Variants in PTPRG observed in about 807,000 individuals in gnomAD.
The protein encoded by PTPRG is receptor-type tyrosine-protein phosphatase gamma.
PTPRG carries 102 observed loss-of-function variants against 165.3 expected under a neutral mutation model. That is an observed-to-expected ratio of 0.62 (90% CI 0.53 to 0.73). The LOEUF (loss-of-function observed/expected upper bound fraction) is 0.73, where lower values mean the gene tolerates loss of function less well. Among genes scored for constraint, PTPRG ranks in the 30% least tolerant of loss-of-function variants. The probability of loss-of-function intolerance (pLI) is 0.00; values close to 1 mark genes in which losing one functional copy is unlikely to be tolerated. For synonymous variants in PTPRG, 675 were observed against 669.5 expected (o/e 1.01, Z -0.13); for missense variants, 1,866 against 1,861.4 (o/e 1.00, Z -0.05).
At chr3:61,752,794 A>AAAATAAAAT (rs1553660785) in intron 2 of PTPRG, among the ~76,000 whole-genome samples, 5 of 105,966 alleles carry the variant, frequency 4.7e-5, no homozygotes, top group Non-Finnish European at 8.1e-5. Context: ...TCAAAAAAAA[A>AAAATAAAAT]AAAAAAAGAA....
intron 12 of PTPRG, among the ~76,000 whole-genome samples, chr3:62,205,370 C>T (rs1420653370): frequency 6.6e-6 from 1 of 152,114 alleles, no homozygotes; most frequent in Admixed American, 6.5e-5. Flanking sequence ...ACGGAATGCC[C>T]ACTGTATAAG....
At chr3:61,697,276 T>G (rs1293350758) in intron 1 of PTPRG, among the ~76,000 whole-genome samples, 1 of 152,068 alleles carries the variant, frequency 6.6e-6, no homozygotes, top group Non-Finnish European at 1.5e-5. Flanking sequence ...TACTCCGAAG[T>G]CTCATACTTC....
intron 1 of PTPRG, chr3:61,742,625 C>T (rs891093281): frequency 1.1e-5 from 18 of 1,604,092 alleles, no homozygotes; most frequent in Non-Finnish European, 1.4e-5. Context: ...AGACATAACA[C>T]CTTCTTCATT....
intron 2 of PTPRG, among the ~76,000 whole-genome samples, chr3:61,971,693 C>T (rs544299219): frequency 2.8e-4 from 43 of 152,302 alleles, no homozygotes; most frequent in Non-Finnish European, 5.0e-4. Flanking sequence ...CTCTTCGGAT[C>T]ATTTGGTGTG....
At chr3:61,941,274 CATT>C (rs1479143366) in intron 2 of PTPRG, among the ~76,000 whole-genome samples, 1 of 152,238 alleles carries the variant, frequency 6.6e-6, no homozygotes, top group Non-Finnish European at 1.5e-5. Flanking sequence ...CTATGACTCT[CATT>C]ATTATGATTC....
chr3:61,716,402 A>G (rs1054923105), intron 1 of PTPRG, among the ~76,000 whole-genome samples: 5 of 152,220 alleles, frequency 3.3e-5, no homozygotes, highest in Non-Finnish European at 7.3e-5. Flanking sequence ...ACAAAACACA[A>G]GATCATCTAC....
chr3:61,675,654 A>G (rs1703194294), intron 1 of PTPRG, among the ~76,000 whole-genome samples: 1 of 152,174 alleles, frequency 6.6e-6, no homozygotes, highest in South Asian at 2.1e-4. Flanking sequence ...ATCATAATTG[A>G]TATGGTATTT....
intron 10 of PTPRG, 21 bp from the exon 11 acceptor site, chr3:62,201,484 T>A (rs753288596): frequency 6.3e-7 from 1 of 1,586,300 alleles, no homozygotes; most frequent in African/African-American, 1.3e-5. Context: ...ATTGCTTAAA[T>A]GTAATTTCTT....
intron 2 of PTPRG, among the ~76,000 whole-genome samples, chr3:61,964,807 C>G (rs1359549034): frequency 6.6e-6 from 1 of 151,916 alleles, no homozygotes; most frequent in Non-Finnish European, 1.5e-5. Flanking sequence ...CTGGGTAGTT[C>G]CAACCCACTC....
At chr3:62,133,529 T>C (rs1421311224) in intron 6 of PTPRG, among the ~76,000 whole-genome samples, 1 of 152,176 alleles carries the variant, frequency 6.6e-6, no homozygotes, top group East Asian at 1.9e-4. Flanking sequence ...TCTCTTTCCG[T>C]GAAACTAAAA....
intron 2 of PTPRG, among the ~76,000 whole-genome samples, chr3:61,837,495 C>T (rs780800277): frequency 3.3e-5 from 5 of 152,212 alleles, no homozygotes; most frequent in Admixed American, 6.5e-5. Context: ...GTTCGGCATG[C>T]AGGGGGTACT....
intron 2 of PTPRG, among the ~76,000 whole-genome samples, chr3:61,912,587 C>G (rs539724038): frequency 6.6e-5 from 10 of 152,284 alleles, no homozygotes; most frequent in Non-Finnish European, 1.0e-4. Context: ...GACCGACAGT[C>G]TTTTCTAAAA....
rs530205791 is a variant in PTPRG at position 61,960,256 on chromosome 3, C to A, written c.191-29369C>A. ...GGTGCTTGGTATCCAGTAGGAGCCC[C>A]GTAAATGTCTCTTTAATGTGCAACT... On this transcript the variant is annotated intron_variant, in intron 2 of 29. Transcript: ENST00000474889. Among the ~76,000 whole-genome samples the A allele has an allele frequency of 2.6e-5, 4 of 151,850 alleles. No individual in the cohort carries two copies. The East Asian group carries it at 5.8e-4, about 22-fold the overall frequency.
At chr3:62,068,580 A>ATCC (rs1701098168) in intron 4 of PTPRG, among the ~76,000 whole-genome samples, 1 of 152,014 alleles carries the variant, frequency 6.6e-6, no homozygotes, top group South Asian at 2.1e-4. Flanking sequence ...GGCTCAAGTG[A>ATCC]TCCTCCTGCC....
At chr3:61,881,866 T>C (rs1559666660) in intron 2 of PTPRG, among the ~76,000 whole-genome samples, 1 of 152,138 alleles carries the variant, frequency 6.6e-6, no homozygotes, top group Non-Finnish European at 1.5e-5. Flanking sequence ...TATTCCTCCA[T>C]AATAGTGTTT....
At chr3:61,907,783 G>T (rs181569157) in intron 2 of PTPRG, among the ~76,000 whole-genome samples, 221 of 152,154 alleles carry the variant, frequency 1.5e-3, no homozygotes, top group Non-Finnish European at 2.4e-3. Flanking sequence ...GATTTCCTTT[G>T]TAACTGCTGA....
chr3:62,186,082 G>A (rs1705870165), intron 8 of PTPRG, among the ~76,000 whole-genome samples: 1 of 152,212 alleles, frequency 6.6e-6, no homozygotes. Flanking sequence ...GTGTCTGCCT[G>A]CTCGCTTGCC....
chr3:62,243,770 A>T, intron 14 of PTPRG, 37 bp from the exon 15 acceptor site: 7 of 1,089,590 alleles, frequency 6.4e-6, no homozygotes, highest in Non-Finnish European at 9.7e-6. Context: ...AATAAAGTAT[A>T]TTCTATTATT....
At chr3:62,182,539 C>T (rs1425195214) in intron 8 of PTPRG, among the ~76,000 whole-genome samples, 1 of 152,232 alleles carries the variant, frequency 6.6e-6, no homozygotes, top group Non-Finnish European at 1.5e-5. Flanking sequence ...TGTTCTCCCA[C>T]TGGGCTGTCA....
Sources: allele counts gnomAD v4.1 joint callset (sites outside exome capture counted in the v4.1 genomes callset), GRCh38; gene constraint gnomAD v4.1.1; transcripts MANE v1.5; gene names NCBI Gene and HGNC (gene_info 2026-07-23, HGNC 2026-07-21).